Variants in SDK1 observed in about 807,000 individuals in gnomAD.
The protein encoded by SDK1 is sidekick cell adhesion molecule 1.
In SDK1, 157 loss-of-function variants were observed where a neutral mutation model predicts 245.5. The observed-to-expected ratio is 0.64, with a 90% CI of 0.56 to 0.73. SDK1 has a LOEUF of 0.73. Ranked by LOEUF, SDK1 falls within the 30% of genes least tolerant of loss-of-function variation. The pLI is 0.00. For missense variants in SDK1, 3,583 were observed against 3,002.3 expected, an observed-to-expected ratio of 1.19 and a Z score of -4.52; for synonymous variants, 1,647 against 1,278.5, an observed-to-expected ratio of 1.29 and a Z score of -6.15.
At chr7:4,175,356 C>G (rs547522536) in intron 33 of SDK1, among the ~76,000 whole-genome samples, 2 of 152,186 alleles carry the variant, frequency 1.3e-5, no homozygotes, top group African/African-American at 4.8e-5. Flanking sequence ...GCTGGGCTTA[C>G]GCACCTGGTC....
At chr7:3,687,260 C>T (rs1407988426) in intron 4 of SDK1, among the ~76,000 whole-genome samples, 2 of 151,424 alleles carry the variant, frequency 1.3e-5, no homozygotes, top group Non-Finnish European at 2.9e-5. Flanking sequence ...TCCCAAGGAG[C>T]TGGGACTACA....
At chr7:3,723,333 AT>A (rs1241341768) in intron 4 of SDK1, among the ~76,000 whole-genome samples, 1 of 152,222 alleles carries the variant, frequency 6.6e-6, no homozygotes, top group Non-Finnish European at 1.5e-5. Flanking sequence ...AAGAAGAGCA[AT>A]TTTTATATCT....
chr7:3,662,459 C>G (rs1240332021), intron 4 of SDK1, among the ~76,000 whole-genome samples: 2 of 152,134 alleles, frequency 1.3e-5, no homozygotes, highest in African/African-American at 4.8e-5. Context: ...CTGTAGACAA[C>G]TCTCCTAGAT....
At chr7:3,626,610 G>C (rs779147859) in intron 2 of SDK1, among the ~76,000 whole-genome samples, 2 of 152,156 alleles carry the variant, frequency 1.3e-5, no homozygotes, top group Non-Finnish European at 2.9e-5. Context: ...CTGGTCTTGC[G>C]AGTACTAAGA....
chr7:3,599,938 G>C (rs573190355), intron 1 of SDK1, among the ~76,000 whole-genome samples: 1 of 152,104 alleles, frequency 6.6e-6, no homozygotes, highest in Non-Finnish European at 1.5e-5. Context: ...ATAAAGCTTA[G>C]AATAATCTTG....
intron 1 of SDK1, among the ~76,000 whole-genome samples, chr7:3,519,678 A>G (rs1278558606): frequency 6.6e-6 from 1 of 152,138 alleles, no homozygotes; most frequent in Non-Finnish European, 1.5e-5. Flanking sequence ...TTACATCCAG[A>G]GATACGCATA....
At position 4,268,237 on chromosome 7, in the gene SDK1, G is replaced by A. The variant is rs555559519; in HGVS notation, c.*2853G>A. 3.0e-4 allele frequency: 294 copies of A among 992,296 alleles called. 2 individuals are homozygous for A. In the South Asian group the frequency reaches 9.3e-3, roughly 32 times the overall value. 61.5% of individuals were successfully genotyped at this position (992,296 alleles called of 1,614,324 possible). On this transcript the variant is annotated 3_prime_UTR_variant, in exon 45 of 45. Transcript: ENST00000404826. ...CCCCACCCTGCAAGGATGTGGTCAC[G>A]GAGTGGCCAGGAGGCTCCGTCTGAG... is the stretch of plus-strand genomic sequence containing the variant.
intron 4 of SDK1, among the ~76,000 whole-genome samples, chr7:3,642,431 C>T (rs774886858): frequency 1.3e-5 from 2 of 152,048 alleles, no homozygotes; most frequent in Non-Finnish European, 2.9e-5. Flanking sequence ...GTTGGGTTTG[C>T]CTCCTAGTAC....
intron 1 of SDK1, among the ~76,000 whole-genome samples, chr7:3,318,969 A>G (rs1041388443): frequency 3.9e-5 from 6 of 152,082 alleles, no homozygotes; most frequent in Admixed American, 1.3e-4. Flanking sequence ...TGGGGCTGAA[A>G]TGCCACAGAA....
chr7:3,324,410 T>G (rs1779892158), intron 1 of SDK1, among the ~76,000 whole-genome samples: 1 of 152,168 alleles, frequency 6.6e-6, no homozygotes, highest in Admixed American at 6.5e-5. Context: ...GGCAGTTTTT[T>G]GCTTGCCTGT....
chr7:4,091,713 C>G (rs1488675891), intron 22 of SDK1, among the ~76,000 whole-genome samples: 1 of 152,112 alleles, frequency 6.6e-6, no homozygotes, highest in Non-Finnish European at 1.5e-5. Flanking sequence ...GGGTGTTTCA[C>G]TGGCAGGCCA....
intron 5 of SDK1, among the ~76,000 whole-genome samples, chr7:3,887,072 C>T (rs557154539): frequency 5.3e-5 from 8 of 152,088 alleles, no homozygotes; most frequent in East Asian, 1.9e-4. Context: ...TAGGTTATGC[C>T]GCTGTTGCAA....
rs1485490803 is a variant in SDK1 at position 3,605,071 on chromosome 7, G to A, written c.299-14009G>A. 1.3e-5 allele frequency among the ~76,000 whole-genome samples: 2 copies of A among 149,938 alleles called. 1 individual carries two copies. The highest frequency in any genetic ancestry group is 1.3e-4 in the Admixed American group (2 of 15,060). On this transcript the variant is annotated intron_variant, in intron 1 of 44. Coordinates refer to ENST00000404826, the MANE Select transcript of SDK1 (RefSeq NM_152744.4). ...AATTTAGTTCTTTTAATTTTTTTTA[G>A]GTTTGTTTACTAGTCTAGGATGTTT...
chr7:4,074,967 T>C (rs1014029151), intron 20 of SDK1, among the ~76,000 whole-genome samples: 23 of 143,718 alleles, frequency 1.6e-4, no homozygotes, highest in Admixed American at 1.5e-3. Context: ...AAGGCAAAAA[T>C]GAGTGGTTGG....
intron 25 of SDK1, among the ~76,000 whole-genome samples, chr7:4,116,970 T>C (rs1783756689): frequency 6.6e-6 from 1 of 152,206 alleles, no homozygotes. Flanking sequence ...CGCACCCACA[T>C]GCAGCCTGGG....
intron 1 of SDK1, among the ~76,000 whole-genome samples, chr7:3,505,086 T>A (rs1562527440): frequency 6.6e-6 from 1 of 152,232 alleles, no homozygotes; most frequent in South Asian, 2.1e-4. Flanking sequence ...AAATTGTACT[T>A]AAAAAATATA....
chr7:3,365,517 C>A (rs1260739459), intron 1 of SDK1, among the ~76,000 whole-genome samples: 1 of 152,166 alleles, frequency 6.6e-6, no homozygotes, highest in Non-Finnish European at 1.5e-5. Flanking sequence ...TTATATATTT[C>A]TATTCATTTT....
chr7:3,969,301 A>C lies in SDK1; in HGVS notation c.1591A>C (p.Met531Leu), dbSNP rs758003133. ...TGGCTCTGTCCGGATTCCTAGGTTC[A>C]TGCTTCTTGAATCGGGGGGTCTACA... ...ASGSVRIPRFMLLESGGLQIA... is the reference protein window; with the variant it reads ...ASGSVRIPRFLLLESGGLQIA... Residue 531 changes from methionine (M) to leucine (L), a missense_variant, in exon 11 of 45, where the codon ATG (methionine) becomes CTG (leucine). Coordinates refer to ENST00000404826, the MANE Select transcript of SDK1 (RefSeq NM_152744.4). 1 of 1,610,788 alleles carries C rather than the reference A, an allele frequency of 6.2e-7. No homozygotes were observed. The highest frequency in any genetic ancestry group is 8.5e-7 in the Non-Finnish European group (1 of 1,178,606).
chr7:3,407,731 G>A (rs1779091209), intron 1 of SDK1, among the ~76,000 whole-genome samples: 1 of 152,174 alleles, frequency 6.6e-6, no homozygotes, highest in African/African-American at 2.4e-5. Context: ...AATATTATGT[G>A]TCAGGTACTG....
Sources: gnomAD v4.1 joint callset for allele counts (sites outside exome capture counted in the v4.1 genomes callset) on GRCh38, gnomAD v4.1.1 for gene constraint, MANE v1.5 for transcripts, NCBI Gene and HGNC (gene_info 2026-07-23, HGNC 2026-07-21) for gene names.